The following ERBB4 variants were observed in gnomAD, a reference collection of about 807,000 sequenced individuals.
ERBB4 encodes the protein receptor tyrosine-protein kinase erbB-4.
Under a neutral mutation model 158.0 loss-of-function variants are expected in ERBB4, and 42 were observed. The observed-to-expected ratio is 0.27, with a 90% CI of 0.21 to 0.34. The LOEUF (loss-of-function observed/expected upper bound fraction) is 0.34. Ranked by LOEUF, ERBB4 falls within the 10% of genes least tolerant of loss-of-function variation. The pLI is 1.00. For missense variants in ERBB4, 1,333 were observed against 1,624.1 expected, an observed-to-expected ratio of 0.82 and a Z score of 3.08; for synonymous variants, 583 against 558.7, an observed-to-expected ratio of 1.04 and a Z score of -0.61.
intron 12 of ERBB4, among the ~76,000 whole-genome samples, chr2:211,689,205 G>T (rs2072698833): frequency 6.6e-6 from 1 of 152,108 alleles, no homozygotes; most frequent in South Asian, 2.1e-4. Flanking sequence ...AATGGAATCT[G>T]TTTGTTTGAA....
At chr2:211,425,615 T>G (rs2063610809) in intron 22 of ERBB4, among the ~76,000 whole-genome samples, 1 of 151,824 alleles carries the variant, frequency 6.6e-6, no homozygotes. Flanking sequence ...ATAGTCATAC[T>G]TACAGAATAT....
chr2:212,358,215 G>A (rs915284450), intron 1 of ERBB4, among the ~76,000 whole-genome samples: 2 of 151,626 alleles, frequency 1.3e-5, no homozygotes, highest in Non-Finnish European at 1.5e-5. Flanking sequence ...AAATACTTAC[G>A]TGACCTGTGC....
intron 2 of ERBB4, among the ~76,000 whole-genome samples, chr2:212,048,431 T>C (rs1393618242): frequency 6.6e-6 from 1 of 152,082 alleles, no homozygotes; most frequent in African/African-American, 2.4e-5. Context: ...GTAGTAGACA[T>C]GGAGACAAGT....
chr2:211,478,744 T>G (rs2065015516), intron 20 of ERBB4, among the ~76,000 whole-genome samples: 2 of 151,984 alleles, frequency 1.3e-5, no homozygotes, highest in Admixed American at 1.3e-4. Flanking sequence ...CAGCACCATC[T>G]TACCTCTTTT....
chr2:211,567,062 A>G (rs890027067), intron 19 of ERBB4, among the ~76,000 whole-genome samples: 4 of 152,214 alleles, frequency 2.6e-5, no homozygotes, highest in Non-Finnish European at 5.9e-5. Context: ...AAGCAATAAC[A>G]TCTAATAATT....
rs768943270 is a variant in ERBB4 at position 211,788,128 on chromosome 2, C to G, written c.453G>C (p.Gln151His). 6.2e-7 allele frequency: 1 copy of G among 1,612,176 alleles called. No homozygotes were observed. Among genetic ancestry groups the G allele is most frequent in the Non-Finnish European group, 8.5e-7 (1 of 1,178,412 alleles). The change falls in exon 4 of 28, where the codon CAG becomes CAC. Residue 151 changes from glutamine to histidine, a missense_variant. Gln to His is a conservative substitution (Grantham distance 24). This residue lies in a region of ERBB4 where 438 missense variants were observed against 586.9 expected (regional missense o/e 0.75). Transcript: ENST00000342788. ...EILNGGVYVDQNKFLCYADTI... is the reference protein window; with the variant it reads ...EILNGGVYVDHNKFLCYADTI... The stretch of plus-strand genomic sequence containing the variant: ...TGTCTGCATAACAAAGGAATTTGTT[C>G]TGGTCTACATAGACTCCACCATTTA...
At chr2:212,085,504 T>G (rs1031130206) in intron 2 of ERBB4, among the ~76,000 whole-genome samples, 5 of 151,924 alleles carry the variant, frequency 3.3e-5, no homozygotes, top group African/African-American at 1.2e-4. Flanking sequence ...AGCTTGGTAT[T>G]AGTATCTGGA....
At chr2:211,980,965 C>T (rs1045530064) in intron 2 of ERBB4, among the ~76,000 whole-genome samples, 2 of 151,958 alleles carry the variant, frequency 1.3e-5, no homozygotes, top group African/African-American at 2.4e-5. Flanking sequence ...AGGGAGCAGC[C>T]GTGTCATCTC....
intron 1 of ERBB4, among the ~76,000 whole-genome samples, chr2:212,373,074 T>C (rs1409599760): frequency 1.3e-5 from 2 of 152,202 alleles, no homozygotes; most frequent in African/African-American, 2.4e-5. Flanking sequence ...ATAGAAATGA[T>C]AATGATGGGG....
intron 1 of ERBB4, among the ~76,000 whole-genome samples, chr2:212,441,201 T>G (rs915470951): frequency 6.6e-6 from 1 of 152,186 alleles, no homozygotes; most frequent in African/African-American, 2.4e-5. Flanking sequence ...TGAACCTTTT[T>G]TGTCAAAAGG....
Position 212,527,325 on chromosome 2 carries a change from A to T in ERBB4, c.82+11124T>A, listed in dbSNP as rs576397088. 2.0e-4 allele frequency among the ~76,000 whole-genome samples: 30 copies of T among 152,298 alleles called. 2 individuals carry two copies. Among genetic ancestry groups the T allele is most frequent in the African/African-American group, 7.2e-4 (30 of 41,568 alleles). On this transcript the variant is annotated intron_variant, in intron 1 of 27. Transcript: ENST00000342788. ...TTTACAGTGTGATTTTACACTACGT[A>T]ATATTAGGTTGGTGTAAAAGTAATT...
intron 24 of ERBB4, 141 bp from the exon 25 acceptor site, chr2:211,420,752 C>T: frequency 2.7e-6 from 2 of 739,366 alleles, no homozygotes; most frequent in Non-Finnish European, 2.3e-6. Context: ...GTCTTTAGCA[C>T]AACCACCGGC....
At chr2:212,298,650 T>A (rs769596187) in intron 1 of ERBB4, among the ~76,000 whole-genome samples, 10 of 151,658 alleles carry the variant, frequency 6.6e-5, no homozygotes, top group Non-Finnish European at 4.4e-5. Context: ...TCTTTCTCAT[T>A]ATCCTCACTT....
intron 1 of ERBB4, among the ~76,000 whole-genome samples, chr2:212,419,057 G>A (rs754303421): frequency 3.3e-5 from 5 of 151,244 alleles, no homozygotes; most frequent in African/African-American, 7.3e-5. Context: ...ATTCATATTC[G>A]CACAGTATTT....
Position 211,432,605 on chromosome 2 carries a change from CAAA to C in ERBB4, c.2488-1508_2488-1506del, listed in dbSNP as rs60438750. Among the ~76,000 whole-genome samples, 923 of 135,096 alleles carry C rather than the reference CAAA, an allele frequency of 6.8e-3. 13 individuals carry two copies. The highest frequency in any genetic ancestry group is 0.021 in the African/African-American group (831 of 39,264). The allele number at this position is 135,096 out of a possible 152,430, so 88.6% of individuals were successfully genotyped here. On this transcript the variant is annotated intron_variant, in intron 20 of 27. Coordinates refer to ENST00000342788, the MANE Select transcript of ERBB4 (RefSeq NM_005235.3). The stretch of plus-strand genomic sequence containing the variant: ...ATAGCCCTTATATGACTTAAAGGAT[CAAA>C]AAAAAAAAAAAACAAATAAATGCAT...
chr2:212,515,521 CAATT>C (rs1299440415), intron 1 of ERBB4, among the ~76,000 whole-genome samples: 1 of 151,532 alleles, frequency 6.6e-6, no homozygotes, highest in Non-Finnish European at 1.5e-5. Flanking sequence ...ATTTTAAAAT[CAATT>C]AAATTAAAGA....
intron 2 of ERBB4, among the ~76,000 whole-genome samples, chr2:212,042,220 G>A (rs2077157985): frequency 6.6e-6 from 1 of 151,938 alleles, no homozygotes; most frequent in South Asian, 2.1e-4. Context: ...TTTCATTTTG[G>A]TTCTACAATA....
intron 2 of ERBB4, among the ~76,000 whole-genome samples, chr2:212,081,661 C>T (rs2078447251): frequency 6.6e-6 from 1 of 152,100 alleles, no homozygotes; most frequent in African/African-American, 2.4e-5. Context: ...GCTTCATTCT[C>T]CTGTTTCTAA....
intron 1 of ERBB4, among the ~76,000 whole-genome samples, chr2:212,199,753 C>T (rs1193096822): frequency 6.6e-6 from 1 of 151,430 alleles, no homozygotes; most frequent in Non-Finnish European, 1.5e-5. Flanking sequence ...TAGAGATGAG[C>T]AATTCACAAT....
Sources: allele counts gnomAD v4.1 joint callset (sites outside exome capture counted in the v4.1 genomes callset), GRCh38; gene constraint gnomAD v4.1.1; regional missense constraint gnomAD v4.1.1; transcripts MANE v1.5; gene names NCBI Gene and HGNC (gene_info 2026-07-23, HGNC 2026-07-21).